Variants in NALCN observed in about 807,000 individuals in gnomAD.
NALCN encodes sodium leak channel NALCN.
Under a neutral mutation model 225.3 loss-of-function variants are expected in NALCN, and 111 were observed. That is an observed-to-expected ratio of 0.49 (90% confidence interval 0.42 to 0.58). The LOEUF (loss-of-function observed/expected upper bound fraction) is 0.58. NALCN is among the 20% of genes least tolerant of loss of function. NALCN has a pLI of 0.00. For missense variants in NALCN, 1,378 were observed against 2,202.4 expected (o/e 0.63, Z 7.49); for synonymous variants, 764 against 769.0 (o/e 0.99, Z 0.11).
chr13:101,407,594 T>C (rs2047660184), intron 1 of NALCN, among the ~76,000 whole-genome samples: 1 of 152,240 alleles, frequency 6.6e-6, no homozygotes, highest in Non-Finnish European at 1.5e-5. Context: ...CCAGGCACTA[T>C]TCTAAGCATT....
chr13:101,387,227 CAA>C (rs747159185), intron 3 of NALCN, among the ~76,000 whole-genome samples: 26 of 29,036 alleles, frequency 9.0e-4, no homozygotes, highest in South Asian at 4.2e-3. Context: ...GACTCCGTCT[CAA>C]AAAAAAAAAA....
intron 3 of NALCN, among the ~76,000 whole-genome samples, chr13:101,393,284 T>G (rs1307929277): frequency 6.6e-6 from 1 of 152,210 alleles, no homozygotes; most frequent in Non-Finnish European, 1.5e-5. Context: ...CCCTTCAGAC[T>G]GGCAAATATC....
chr13:101,231,388 T>C (rs536701795), intron 12 of NALCN, among the ~76,000 whole-genome samples: 13 of 152,334 alleles, frequency 8.5e-5, no homozygotes, highest in African/African-American at 2.6e-4. Context: ...AAAGCGAGTA[T>C]AACACAAAGA....
chr13:101,134,971 G>C (rs2036701348), intron 17 of NALCN, among the ~76,000 whole-genome samples: 1 of 152,120 alleles, frequency 6.6e-6, no homozygotes, highest in Non-Finnish European at 1.5e-5. Flanking sequence ...GAGGCGGGTG[G>C]ATCACGAGGT....
rs565678745 is a variant in NALCN at position 101,143,928 on chromosome 13, A to T, written c.1977-707T>A. ...AGTGCGTTCATCTGATCTTCAAAGC[A>T]TAACGAAAATTCAAGTAACGTCTCT... On this transcript the variant is annotated intron_variant, in intron 16 of 43. Coordinates refer to ENST00000251127, the MANE Select transcript of NALCN (RefSeq NM_052867.4). Among the ~76,000 whole-genome samples the T allele has an allele frequency of 3.1e-3, 468 of 152,376 alleles. 1 individual carries two copies. The highest frequency in any genetic ancestry group is 5.2e-3 in the Non-Finnish European group (353 of 68,034).
chr13:101,337,809 G>A lies in NALCN; in HGVS notation c.799+7457C>T, dbSNP rs956701784. ...ACTCATGGCTGGCTACTCTGGTAAC[G>A]TAGTAGTTTGTAGATCAAGAGCACA... On this transcript the variant is annotated intron_variant, in intron 7 of 43. Transcript: ENST00000251127. Among the ~76,000 whole-genome samples, 6 of 152,144 alleles carry A rather than the reference G, an allele frequency of 3.9e-5. No individual in the cohort carries two copies. The East Asian group carries it at 5.8e-4, about 15-fold the overall frequency.
intron 6 of NALCN, among the ~76,000 whole-genome samples, chr13:101,375,092 T>TAAA (rs1336483259): frequency 3.9e-5 from 6 of 152,194 alleles, no homozygotes; most frequent in Non-Finnish European, 8.8e-5. Context: ...AATTTTGGTC[T>TAAA]TCTTTATTGC....
intron 13 of NALCN, among the ~76,000 whole-genome samples, chr13:101,201,005 A>G (rs934147136): frequency 4.5e-4 from 68 of 152,284 alleles, no homozygotes; most frequent in African/African-American, 1.6e-3. Context: ...GAGTAAGTAG[A>G]ATATATAGTA....
intron 15 of NALCN, among the ~76,000 whole-genome samples, chr13:101,151,174 C>A (rs1314998885): frequency 6.6e-6 from 1 of 152,188 alleles, no homozygotes; most frequent in African/African-American, 2.4e-5. Context: ...ACACATCGGG[C>A]GGCTGAAATC....
intron 15 of NALCN, among the ~76,000 whole-genome samples, chr13:101,153,248 T>C (rs1208782748): frequency 6.6e-6 from 1 of 152,182 alleles, no homozygotes; most frequent in Non-Finnish European, 1.5e-5. Flanking sequence ...GAGATAGCAA[T>C]ATGCCTGTAA....
rs59300252 is a variant in NALCN, at chr13:101,360,230, C to CT, written c.645-14811_645-14810insA. Among the ~76,000 whole-genome samples the CT allele has an allele frequency of 3.1e-3, 386 of 124,566 alleles. 1 individual carries two copies. Among genetic ancestry groups the CT allele is most frequent in the African/African-American group, 8.5e-3 (287 of 33,954 alleles). The allele number at this position is 124,566 out of a possible 152,430, so 81.7% of individuals were successfully genotyped here. A position where few individuals can be genotyped will look rare whatever the true frequency, so the allele number is the denominator to read the frequency against. ...TCTCTCTCTCTCTCTCTCTCTCTCT[C>CT]CTTCCTTCCTTCCTTCCTTCGATGG... On this transcript the variant is annotated intron_variant, in intron 6 of 43. Transcript: ENST00000251127.
At chr13:101,192,151 A>G (rs2039707757) in intron 13 of NALCN, 97 bp from the exon 14 acceptor site, 7 of 1,373,122 alleles carry the variant, frequency 5.1e-6, no homozygotes, top group Non-Finnish European at 6.8e-6. Flanking sequence ...TCTCAATATT[A>G]TTGATTTTTA....
chr13:101,168,923 C>T lies in NALCN; in HGVS notation c.1839+7377G>A, dbSNP rs929445837. 5.3e-5 allele frequency among the ~76,000 whole-genome samples: 8 copies of T among 152,260 alleles called. No individual in the cohort carries two copies. In the South Asian group the frequency reaches 8.3e-4, roughly 16 times the overall value. On this transcript the variant is annotated intron_variant, in intron 15 of 43. Transcript: ENST00000251127. ...CTGCAGTTCCCTTGGTCTTCACTAC[C>T]CTCCTTCATGCCATCTTCCTCCAAC...
In NALCN at chr13:101,345,347, G is replaced by A. The variant is rs2045685672; in HGVS notation, c.718C>T (p.Pro240Ser). 3.7e-6 allele frequency: 6 copies of A among 1,613,648 alleles called. No individual in the cohort carries two copies. Among genetic ancestry groups the A allele is most frequent in the Non-Finnish European group, 5.1e-6 (6 of 1,179,816 alleles). ...AGGTCCATGCATTTAAATCCAGGTGGGCACTGGTAGCCTTCTTCTAGCTCT... is the reference window on the plus strand; with the variant it reads ...AGGTCCATGCATTTAAATCCAGGTGAGCACTGGTAGCCTTCTTCTAGCTCT... ...SPELEEGYQC[P>S]PGFKCMDLED... The change falls in exon 7 of 44, where the codon CCA becomes TCA. Residue 240 changes from proline (P) to serine (S), a missense_variant. Physicochemically the swap from Pro to Ser is moderately conservative, Grantham distance 74. This residue lies in a region of NALCN where 67 missense variants were observed against 82.1 expected (regional missense o/e 0.82). Coordinates refer to ENST00000251127, the MANE Select transcript of NALCN (RefSeq NM_052867.4).
intron 15 of NALCN, among the ~76,000 whole-genome samples, chr13:101,168,584 T>C (rs2038565728): frequency 6.6e-6 from 1 of 152,190 alleles, no homozygotes. Flanking sequence ...CCGCTTTCGA[T>C]ATTCTCTCAT....
rs1212123976 is a variant in NALCN, at chr13:101,395,372, T to C, written c.109-7A>G. 6.2e-7 allele frequency: 1 copy of C among 1,612,764 alleles called. No homozygotes were observed. Among genetic ancestry groups the C allele is most frequent in the South Asian group, 1.1e-5 (1 of 90,888 alleles). The stretch of plus-strand genomic sequence containing the variant: ...GCAGCAAAGAGTGAACCCACTGCAA[T>C]GATGGTCCAGAGTTACTACACGGCA... On this transcript the variant is annotated splice_polypyrimidine_tract_variant and splice_region_variant and intron_variant, in intron 2 of 43. Coordinates refer to ENST00000251127, the MANE Select transcript of NALCN (RefSeq NM_052867.4).
At chr13:101,060,275 G>GGTTTT (rs1555373024) in intron 41 of NALCN, among the ~76,000 whole-genome samples, 1 of 79,854 alleles carries the variant, frequency 1.3e-5, no homozygotes, top group African/African-American at 5.1e-5. Context: ...GGTGTTTTCT[G>GGTTTT]TTTTTTTTTT....
At chr13:101,192,085 C>T in intron 13 of NALCN, 31 bp from the exon 14 acceptor site, 1 of 1,575,000 alleles carries the variant, frequency 6.3e-7, no homozygotes, top group South Asian at 1.2e-5. Flanking sequence ...GTATTACACA[C>T]TAGCTTTAGG....
chr13:101,108,499 CA>C (rs1173605983), intron 20 of NALCN, among the ~76,000 whole-genome samples: 8 of 152,286 alleles, frequency 5.3e-5, no homozygotes, highest in African/African-American at 1.9e-4. Context: ...GAGACATAGA[CA>C]GGCTAGAAGA....
Sources: gnomAD v4.1 joint callset for allele counts (sites outside exome capture counted in the v4.1 genomes callset) on GRCh38, gnomAD v4.1.1 for gene constraint, gnomAD v4.1.1 regional missense constraint, MANE v1.5 for transcripts, NCBI Gene and HGNC (gene_info 2026-07-23, HGNC 2026-07-21) for gene names.